The following AOAH variants were observed in gnomAD, a reference collection of about 807,000 sequenced individuals.
AOAH encodes acyloxyacyl hydrolase.
Under a neutral mutation model 92.2 loss-of-function variants are expected in AOAH, and 64 were observed. The ratio of observed to expected loss-of-function variants is 0.69; its 90% confidence interval spans 0.57 to 0.86. AOAH has a LOEUF of 0.86. Among genes scored for constraint, AOAH ranks in the 40% least tolerant of loss-of-function variants. The pLI is 0.00. For synonymous variants in AOAH, 263 were observed against 254.5 expected (o/e 1.03, Z -0.32); for missense variants, 656 against 694.6 (o/e 0.94, Z 0.62).
At chr7:36,515,140 C>T (rs1449232900) in intron 20 of AOAH, among the ~76,000 whole-genome samples, 2 of 146,584 alleles carry the variant, frequency 1.4e-5, no homozygotes, top group African/African-American at 5.1e-5. Context: ...ACACACACAC[C>T]ACACCCCTCA....
chr7:36,602,188 A>G (rs1248212074), intron 11 of AOAH, among the ~76,000 whole-genome samples: 7 of 152,214 alleles, frequency 4.6e-5, no homozygotes, highest in Non-Finnish European at 1.0e-4. Flanking sequence ...AAATACAAAG[A>G]GGACAAAATG....
chr7:36,653,242 T>A lies in AOAH; in HGVS notation c.390+5924A>T, dbSNP rs567809136. The stretch of plus-strand genomic sequence containing the variant: ...TTGGATTGTGCAGAATGAAATTTAG[T>A]GATTACAGAATCTCAGGAAGTGTCC... On this transcript the variant is annotated intron_variant, in intron 4 of 20. Coordinates refer to ENST00000617537, the MANE Select transcript of AOAH (RefSeq NM_001637.4). 5.9e-5 allele frequency among the ~76,000 whole-genome samples: 9 copies of A among 152,336 alleles called. No individual in the cohort carries two copies. The South Asian group carries it at 1.9e-3, about 32-fold the overall frequency.
intron 4 of AOAH, among the ~76,000 whole-genome samples, chr7:36,640,645 C>T (rs549914628): frequency 2.6e-5 from 4 of 152,272 alleles, no homozygotes; most frequent in African/African-American, 9.6e-5. Flanking sequence ...CAGAGGCTGT[C>T]CCCATGTTTA....
chr7:36,676,751 A>G (rs1486035128), intron 2 of AOAH, among the ~76,000 whole-genome samples: 1 of 152,216 alleles, frequency 6.6e-6, no homozygotes, highest in Non-Finnish European at 1.5e-5. Context: ...TAACATAAAG[A>G]CAGACATATG....
intron 4 of AOAH, among the ~76,000 whole-genome samples, chr7:36,646,807 T>C (rs953388370): frequency 1.3e-5 from 2 of 152,200 alleles, no homozygotes; most frequent in Non-Finnish European, 2.9e-5. Flanking sequence ...CTGATCCTAA[T>C]GCTTGCCTCT....
chr7:36,597,898 A>G (rs1373259106), intron 11 of AOAH: 3 of 152,194 alleles, frequency 2.0e-5, no homozygotes, highest in Non-Finnish European at 4.4e-5. Flanking sequence ...AATACAAAGA[A>G]GAAACACAAA....
chr7:36,686,771 T>C lies in AOAH; in HGVS notation c.151A>G (p.Ile51Val), dbSNP rs774604203. The change falls in exon 2 of 21, where the codon ATA becomes GTA. Residue 51 changes from isoleucine (I) to valine (V), a missense_variant. Transcript: ENST00000617537. ...TTGTGAACTTGAGCAAGCTGTTCTA[T>C]TACAGACACCACCAGCACACACCCT... The part of the protein sequence containing the change: ...CVGCVLVVSV[I>V]EQLAQVHNST... The C allele has an allele frequency of 1.9e-6, 3 of 1,577,284 alleles. No individual in the cohort carries two copies. Among genetic ancestry groups the C allele is most frequent in the East Asian group, 4.8e-5 (2 of 41,742 alleles).
intron 4 of AOAH, among the ~76,000 whole-genome samples, chr7:36,654,708 A>C (rs1489469882): frequency 6.6e-6 from 1 of 152,198 alleles, no homozygotes; most frequent in Non-Finnish European, 1.5e-5. Flanking sequence ...GAAAAGCCAG[A>C]CATAGAGCGT....
At chr7:36,698,398 T>G (rs550844272) in intron 1 of AOAH, among the ~76,000 whole-genome samples, 1 of 152,178 alleles carries the variant, frequency 6.6e-6, no homozygotes, top group African/African-American at 2.4e-5. Context: ...TTTCATCGAT[T>G]CTCTCTATTG....
At chr7:36,669,377 C>CTT (rs33911092) in intron 3 of AOAH, among the ~76,000 whole-genome samples, 4,438 of 125,434 alleles carry the variant, frequency 0.035, 114 homozygotes, top group East Asian at 0.086. Flanking sequence ...CCCCCCCCAC[C>CTT]TTTTTTTTTT....
intron 13 of AOAH, among the ~76,000 whole-genome samples, chr7:36,560,118 C>T (rs570766063): frequency 1.3e-5 from 2 of 152,072 alleles, no homozygotes; most frequent in East Asian, 1.9e-4. Context: ...CAGTACCATG[C>T]GTTTTGGTCA....
chr7:36,696,344 A>C (rs934756254), intron 1 of AOAH, among the ~76,000 whole-genome samples: 1 of 152,164 alleles, frequency 6.6e-6, no homozygotes, highest in Non-Finnish European at 1.5e-5. Context: ...AATTGTGTTT[A>C]ATCTATAGAT....
chr7:36,676,205 A>G lies in AOAH; in HGVS notation c.224-2196T>C, dbSNP rs190179851. On this transcript the variant is annotated intron_variant, in intron 2 of 20. Coordinates refer to ENST00000617537, the MANE Select transcript of AOAH (RefSeq NM_001637.4). ...TTGTGGCTGATATGATCTTCCATGT[A>G]GAAAATCCTAAGGAATCTATTAAAA... is the stretch of plus-strand genomic sequence containing the variant. 2.7e-3 allele frequency among the ~76,000 whole-genome samples: 411 copies of G among 152,336 alleles called. 3 individuals are homozygous for G. The highest frequency in any genetic ancestry group is 1.4e-3 in the Non-Finnish European group (94 of 68,020).
At chr7:36,670,636 G>A (rs1415051404) in intron 3 of AOAH, among the ~76,000 whole-genome samples, 7 of 151,960 alleles carry the variant, frequency 4.6e-5, no homozygotes, top group African/African-American at 7.3e-5. Flanking sequence ...CACCACACCC[G>A]GCTAATTTTT....
intron 13 of AOAH, among the ~76,000 whole-genome samples, chr7:36,553,265 C>T (rs1254913106): frequency 6.6e-6 from 1 of 151,836 alleles, no homozygotes; most frequent in African/African-American, 2.4e-5. Flanking sequence ...TGATGATTTC[C>T]AATTTCATCC....
rs751048144 is a variant in AOAH at position 36,513,377 on chromosome 7, C to A, written c.1603G>T (p.Ala535Ser). The A allele has an allele frequency of 1.2e-6, 2 of 1,613,646 alleles. No individual in the cohort carries two copies. Among genetic ancestry groups the A allele is most frequent in the Non-Finnish European group, 1.7e-6 (2 of 1,179,616 alleles). ...PVDGFHPNEVALLLLADHFWK... is the reference protein window; with the variant it reads ...PVDGFHPNEVSLLLLADHFWK... Reference sequence around the variant, plus strand: ...AAATGATCCGCCAACAACAGCAAAGCCACCTGTGAGAGAGAACCCAAAGGA... The same window carrying A: ...AAATGATCCGCCAACAACAGCAAAGACACCTGTGAGAGAGAACCCAAAGGA... The change falls in exon 21 of 21, where the codon GCT becomes TCT. Residue 535 changes from alanine to serine, a missense_variant. Ala to Ser is a moderately conservative substitution (Grantham distance 99). Coordinates refer to ENST00000617537, the MANE Select transcript of AOAH (RefSeq NM_001637.4).
intron 13 of AOAH, among the ~76,000 whole-genome samples, chr7:36,554,620 G>A (rs1268980498): frequency 6.6e-6 from 1 of 152,154 alleles, no homozygotes; most frequent in African/African-American, 2.4e-5. Context: ...CCATGAGCAT[G>A]GAATGTTCTT....
intron 11 of AOAH, among the ~76,000 whole-genome samples, chr7:36,606,603 G>A (rs1400419306): frequency 6.6e-6 from 1 of 152,160 alleles, no homozygotes; most frequent in Non-Finnish European, 1.5e-5. Context: ...TTCTGATTCA[G>A]TGAAATGCAG....
chr7:36,517,162 C>CTTTG (rs1157154178), intron 20 of AOAH, among the ~76,000 whole-genome samples: 2 of 42,866 alleles, frequency 4.7e-5, no homozygotes, highest in African/African-American at 7.8e-5. Context: ...GTTAGTCTTT[C>CTTTG]TTTCTTTCTT....
Sources: gnomAD v4.1 joint callset for allele counts (sites outside exome capture counted in the v4.1 genomes callset) on GRCh38, gnomAD v4.1.1 for gene constraint, MANE v1.5 for transcripts, NCBI Gene and HGNC (gene_info 2026-07-23, HGNC 2026-07-21) for gene names.